Variants in SGCZ observed in about 807,000 individuals in gnomAD.
SGCZ encodes zeta-sarcoglycan.
In SGCZ, 40 loss-of-function variants were observed where a neutral mutation model predicts 41.3. The observed-to-expected ratio is 0.97, with a 90% CI of 0.75 to 1.26. The LOEUF (loss-of-function observed/expected upper bound fraction) is 1.26. SGCZ is among the 50% of genes most tolerant of loss of function. SGCZ has a pLI of 0.00. For synonymous variants in SGCZ, 206 were observed against 137.5 expected, an observed-to-expected ratio of 1.50 and a Z score of -3.49; for missense variants, 552 against 369.8, an observed-to-expected ratio of 1.49 and a Z score of -4.04.
chr8:14,094,528 T>A (rs1442514654), intron 7 of SGCZ, among the ~76,000 whole-genome samples: 3 of 152,132 alleles, frequency 2.0e-5, no homozygotes, highest in Non-Finnish European at 4.4e-5. Flanking sequence ...GTTTATCGAG[T>A]CATTCATTGA....
At chr8:14,723,162 A>G (rs1018759406) in intron 1 of SGCZ, among the ~76,000 whole-genome samples, 1 of 152,218 alleles carries the variant, frequency 6.6e-6, no homozygotes, top group African/African-American at 2.4e-5. Context: ...TGCCACTCCC[A>G]TGGAAAGAAA....
intron 1 of SGCZ, among the ~76,000 whole-genome samples, chr8:14,840,459 C>T (rs1169578432): frequency 6.6e-6 from 1 of 152,024 alleles, no homozygotes; most frequent in African/African-American, 2.4e-5. Flanking sequence ...TATCAACGTT[C>T]CGTGGCCAGG....
intron 1 of SGCZ, among the ~76,000 whole-genome samples, chr8:15,221,056 T>A (rs576817308): frequency 6.6e-6 from 1 of 152,098 alleles, no homozygotes; most frequent in South Asian, 2.1e-4. Flanking sequence ...AAGAAATACC[T>A]AATGTAAAGG....
At chr8:14,885,344 A>T (rs1055290354) in intron 1 of SGCZ, among the ~76,000 whole-genome samples, 17 of 152,164 alleles carry the variant, frequency 1.1e-4, no homozygotes, top group Admixed American at 1.0e-3. Context: ...GTAGTATATT[A>T]TCTACCTATT....
At chr8:14,762,734 A>C (rs1473469535) in intron 1 of SGCZ, among the ~76,000 whole-genome samples, 7 of 152,174 alleles carry the variant, frequency 4.6e-5, no homozygotes, top group Admixed American at 4.6e-4. Flanking sequence ...TTGCTGGACA[A>C]ACAAGCATTC....
intron 1 of SGCZ, among the ~76,000 whole-genome samples, chr8:14,858,950 A>G (rs1361794781): frequency 6.6e-6 from 1 of 152,162 alleles, no homozygotes; most frequent in East Asian, 1.9e-4. Context: ...AAATAATGTC[A>G]GTTTTCCTTT....
intron 2 of SGCZ, among the ~76,000 whole-genome samples, chr8:14,534,815 C>G (rs116407848): frequency 1.3e-5 from 2 of 151,902 alleles, no homozygotes; most frequent in Non-Finnish European, 2.9e-5. Flanking sequence ...GCTGATACTA[C>G]TAATATTGTG....
chr8:14,499,455 A>C (rs752508646), intron 2 of SGCZ, among the ~76,000 whole-genome samples: 7 of 151,924 alleles, frequency 4.6e-5, no homozygotes, highest in Non-Finnish European at 8.8e-5. Flanking sequence ...TTTGTAGATT[A>C]TTTGCAACAT....
At chr8:15,163,725 T>C (rs946978173) in intron 1 of SGCZ, among the ~76,000 whole-genome samples, 1 of 152,256 alleles carries the variant, frequency 6.6e-6, no homozygotes, top group Non-Finnish European at 1.5e-5. Flanking sequence ...TTATAACTCT[T>C]AAATATTTCT....
intron 2 of SGCZ, among the ~76,000 whole-genome samples, chr8:14,333,353 G>T (rs1802403083): frequency 6.6e-6 from 1 of 151,994 alleles, no homozygotes; most frequent in Non-Finnish European, 1.5e-5. Context: ...ATAAGTAATG[G>T]ATTAATAATA....
chr8:15,011,553 G>A (rs1050956263), intron 1 of SGCZ, among the ~76,000 whole-genome samples: 1 of 152,086 alleles, frequency 6.6e-6, no homozygotes, highest in Admixed American at 6.6e-5. Context: ...GAAAACTGCA[G>A]ATTATAAGAT....
intron 1 of SGCZ, among the ~76,000 whole-genome samples, chr8:14,959,909 AG>A (rs1800910595): frequency 6.6e-6 from 1 of 152,182 alleles, no homozygotes; most frequent in African/African-American, 2.4e-5. Context: ...GCACGCGCTG[AG>A]GGAAGGTCAG....
intron 1 of SGCZ, among the ~76,000 whole-genome samples, chr8:15,104,816 A>T (rs981588100): frequency 2.0e-5 from 3 of 152,168 alleles, no homozygotes; most frequent in African/African-American, 7.2e-5. Flanking sequence ...ACTGTTACCC[A>T]TTTACATGGT....
At chr8:14,473,630 T>A (rs10107476) in intron 2 of SGCZ, among the ~76,000 whole-genome samples, 3,041 of 151,886 alleles carry the variant, frequency 0.02, 66 homozygotes, top group African/African-American at 0.05. Flanking sequence ...ATCTTATATG[T>A]CAACAGAAGT....
intron 1 of SGCZ, among the ~76,000 whole-genome samples, chr8:15,055,903 T>C (rs143700054): frequency 5.6e-4 from 85 of 152,338 alleles, no homozygotes; most frequent in African/African-American, 2.0e-3. Flanking sequence ...TGACCTGCTC[T>C]TTTTCATCTA....
chr8:14,389,258 A>G (rs1483350083), intron 2 of SGCZ, among the ~76,000 whole-genome samples: 1 of 151,986 alleles, frequency 6.6e-6, no homozygotes, highest in Admixed American at 6.6e-5. Flanking sequence ...TATAATTTGA[A>G]AAGTTTCCAG....
chr8:14,639,150 A>T (rs1585145562), intron 1 of SGCZ, among the ~76,000 whole-genome samples: 2 of 149,820 alleles, frequency 1.3e-5, no homozygotes, highest in East Asian at 2.0e-4. Flanking sequence ...GGTTCAAGTG[A>T]TTCTCCTGTC....
At chr8:14,249,587 G>T (rs2117202744) in intron 3 of SGCZ, among the ~76,000 whole-genome samples, 1 of 152,258 alleles carries the variant, frequency 6.6e-6, no homozygotes, top group East Asian at 1.9e-4. Flanking sequence ...ATACTTTGAA[G>T]CATTTTGTTA....
chr8:14,813,771 C>A (rs981316690), intron 1 of SGCZ, among the ~76,000 whole-genome samples: 3 of 151,988 alleles, frequency 2.0e-5, no homozygotes, highest in African/African-American at 4.8e-5. Flanking sequence ...GGCCAACATG[C>A]AGAAACTTCA....
Sources: gnomAD v4.1 joint callset for allele counts (sites outside exome capture counted in the v4.1 genomes callset) on GRCh38, gnomAD v4.1.1 for gene constraint, MANE v1.5 for transcripts, NCBI Gene and HGNC (gene_info 2026-07-23, HGNC 2026-07-21) for gene names.